TMEM242: variants seen among roughly 807,000 people sequenced by gnomAD.
TMEM242 encodes the protein transmembrane protein 242.
In TMEM242, 10 loss-of-function variants were observed where a neutral mutation model predicts 18.2. The ratio of observed to expected loss-of-function variants is 0.55; its 90% CI spans 0.34 to 0.93. The LOEUF (loss-of-function observed/expected upper bound fraction) is 0.93. Among genes scored for constraint, TMEM242 ranks in the 40% least tolerant of loss-of-function variants. The pLI is 0.02. For missense variants in TMEM242, 186 were observed against 175.5 expected (o/e 1.06, Z -0.34); for synonymous variants, 57 against 69.9 (o/e 0.81, Z 0.92).
intron 3 of TMEM242, chr6:157,299,721 C>A: frequency 6.2e-7 from 1 of 1,605,358 alleles, no homozygotes; most frequent in South Asian, 1.1e-5. Flanking sequence ...TGACGTGCAC[C>A]TTCTGTGATA....
At position 157,290,759 on chromosome 6, in the gene TMEM242, T is replaced by C. The variant is rs1228364756; in HGVS notation, c.*2142A>G. 1 of 152,230 alleles carries C rather than the reference T, an allele frequency of 6.6e-6. No individual in the cohort carries two copies. Among genetic ancestry groups the C allele is most frequent in the Admixed American group, 6.5e-5 (1 of 15,290 alleles). The allele number at this position is 152,230 out of a possible 1,614,324, so 9.4% of individuals were successfully genotyped here. A position where few individuals can be genotyped will look rare whatever the true frequency, so the allele number is the denominator to read the frequency against. ...CATTACTTCACCTTTGCTTTTAAGATGCAATTGGAGCTGACGCTTGGTCCC... is the reference window on the plus strand; with the variant it reads ...CATTACTTCACCTTTGCTTTTAAGACGCAATTGGAGCTGACGCTTGGTCCC... On this transcript the variant is annotated 3_prime_UTR_variant, in exon 4 of 4. Coordinates refer to ENST00000400788, the MANE Select transcript of TMEM242 (RefSeq NM_018452.6).
At chr6:157,307,634 T>C (rs1554248023) in intron 3 of TMEM242, among the ~76,000 whole-genome samples, 1 of 152,120 alleles carries the variant, frequency 6.6e-6, no homozygotes, top group African/African-American at 2.4e-5. Context: ...AGAGCTGCAG[T>C]GGAATGGGGA....
chr6:157,307,943 G>A (rs998765054), intron 3 of TMEM242, among the ~76,000 whole-genome samples: 3 of 152,190 alleles, frequency 2.0e-5, no homozygotes, highest in Admixed American at 6.5e-5. Flanking sequence ...ATCTCTGGAA[G>A]CACTGAAATT....
intron 3 of TMEM242, among the ~76,000 whole-genome samples, chr6:157,313,166 T>C (rs1554249644): frequency 6.1e-5 from 9 of 147,596 alleles, no homozygotes; most frequent in South Asian, 2.2e-4. Context: ...GGCCTCATCA[T>C]AGTGTCCCAC....
chr6:157,321,305 G>T (rs1242753001), intron 2 of TMEM242, among the ~76,000 whole-genome samples: 1 of 152,078 alleles, frequency 6.6e-6, no homozygotes, highest in Non-Finnish European at 1.5e-5. Flanking sequence ...ACCTCGCCCG[G>T]CCTTGTATTT....
chr6:157,314,834 AT>A (rs1778359735), intron 3 of TMEM242, among the ~76,000 whole-genome samples: 1 of 152,254 alleles, frequency 6.6e-6, no homozygotes, highest in Admixed American at 6.5e-5. Context: ...CACTTTAAGC[AT>A]TTTAAACATG....
intron 3 of TMEM242, among the ~76,000 whole-genome samples, chr6:157,316,510 G>A (rs1180385957): frequency 6.6e-6 from 1 of 152,156 alleles, no homozygotes; most frequent in Non-Finnish European, 1.5e-5. Context: ...TTCAGTCACA[G>A]GTTTTCTGTC....
intron 3 of TMEM242, among the ~76,000 whole-genome samples, chr6:157,307,191 C>G (rs1248067383): frequency 2.0e-5 from 3 of 152,152 alleles, no homozygotes; most frequent in African/African-American, 7.2e-5. Flanking sequence ...CTCATGTGTG[C>G]CCAATTTTCT....
chr6:157,322,383 G>A (rs1036133131), intron 2 of TMEM242, among the ~76,000 whole-genome samples: 12 of 152,056 alleles, frequency 7.9e-5, no homozygotes, highest in Non-Finnish European at 1.2e-4. Flanking sequence ...TGCCCCTCTC[G>A]GCTTCCCAAA....
chr6:157,312,927 A>T (rs1554249523), intron 3 of TMEM242, among the ~76,000 whole-genome samples: 9 of 151,872 alleles, frequency 5.9e-5, no homozygotes, highest in South Asian at 2.1e-4. Flanking sequence ...CGGCATCATC[A>T]TAGTGCCCCA....
At chr6:157,297,841 G>T (rs979364949) in intron 3 of TMEM242, among the ~76,000 whole-genome samples, 2 of 152,190 alleles carry the variant, frequency 1.3e-5, no homozygotes, top group Non-Finnish European at 2.9e-5. Context: ...TTAGGAAAGC[G>T]AATGTGAATT....
At chr6:157,316,334 T>C (rs1778390212) in intron 3 of TMEM242, among the ~76,000 whole-genome samples, 1 of 152,196 alleles carries the variant, frequency 6.6e-6, no homozygotes, top group African/African-American at 2.4e-5. Flanking sequence ...TGAGCCCCAA[T>C]TTCCTCATTT....
Position 157,313,444 on chromosome 6 carries a change from C to T in TMEM242, c.327+5338G>A, listed in dbSNP as rs1554249771. On this transcript the variant is annotated intron_variant, in intron 3 of 3. Transcript: ENST00000400788. ...GCTCACCTGGCCTCATCATAGTGCC[C>T]CAGTCTGCGCTCACCTGGCCTCATC... 5.3e-5 allele frequency among the ~76,000 whole-genome samples: 8 copies of T among 150,786 alleles called. 1 individual carries two copies. The highest frequency in any genetic ancestry group is 9.8e-5 in the African/African-American group (4 of 40,852).
rs1777895900 is a variant in TMEM242, at chr6:157,305,324, G to A, written c.328-12325C>T. Among the ~76,000 whole-genome samples, 1 of 152,142 alleles carries A rather than the reference G, an allele frequency of 6.6e-6. No individual in the cohort carries two copies. Among genetic ancestry groups the A allele is most frequent in the South Asian group, 2.1e-4 (1 of 4,826 alleles). On this transcript the variant is annotated intron_variant, in intron 3 of 3. Coordinates refer to ENST00000400788, the MANE Select transcript of TMEM242 (RefSeq NM_018452.6). The surrounding 1 kb of genome is among the most constrained non-coding windows in gnomAD (Gnocchi z 4.1). Reference sequence around the variant, plus strand: ...AGAATCTAAGAGGATTCTCACTGGGGTTTTTGGTTTGAAGTGGAAGGATGA... The same window carrying A: ...AGAATCTAAGAGGATTCTCACTGGGATTTTTGGTTTGAAGTGGAAGGATGA...
intron 3 of TMEM242, among the ~76,000 whole-genome samples, chr6:157,317,817 C>G (rs1246459176): frequency 6.6e-6 from 1 of 152,206 alleles, no homozygotes; most frequent in African/African-American, 2.4e-5. Context: ...CTTTCTCACA[C>G]CCCACATCCA....
rs1777900349 is a variant in TMEM242 at position 157,305,704 on chromosome 6, C to T, written c.328-12705G>A. Among the ~76,000 whole-genome samples, 1 of 152,012 alleles carries T rather than the reference C, an allele frequency of 6.6e-6. No individual in the cohort carries two copies. Among genetic ancestry groups the T allele is most frequent in the African/African-American group, 2.4e-5 (1 of 41,384 alleles). ...TTGGCACAAGAGACAGGCAAAATGT[C>T]CAGTGAGGTGGAAGGTAGCTCAGAA... On this transcript the variant is annotated intron_variant, in intron 3 of 3. Transcript: ENST00000400788. The surrounding 1 kb of genome is among the most constrained non-coding windows in gnomAD (Gnocchi z 4.1).
intron 3 of TMEM242, among the ~76,000 whole-genome samples, chr6:157,311,403 ATAGTGTTCCAGTG>A (rs1778085696): frequency 9.4e-6 from 1 of 106,042 alleles, no homozygotes; most frequent in Non-Finnish European, 2.0e-5. Flanking sequence ...TAGCCTCATC[ATAGTGTTCCAGTG>A]TGCACGCATA....
At chr6:157,314,108 TCATCATTGTGTCCCAGTGTGCGCTCACCC>T (rs1778327631) in intron 3 of TMEM242, among the ~76,000 whole-genome samples, 1 of 147,450 alleles carries the variant, frequency 6.8e-6, no homozygotes, top group Non-Finnish European at 1.5e-5. Flanking sequence ...TCACCCGGCC[TCATCATTGTGTCCCAGTGTGCGCTCACCC>T]GGCCTCATCA....
intron 3 of TMEM242, among the ~76,000 whole-genome samples, chr6:157,308,098 A>G (rs944137077): frequency 3.3e-5 from 5 of 152,242 alleles, no homozygotes; most frequent in Non-Finnish European, 7.3e-5. Flanking sequence ...GAAAGTACAT[A>G]GCCCTTAAAG....
Sources: gnomAD v4.1 joint callset for allele counts (sites outside exome capture counted in the v4.1 genomes callset) on GRCh38, gnomAD v4.1.1 for gene constraint, Gnocchi (gnomAD v3.1) non-coding constraint, MANE v1.5 for transcripts, NCBI Gene and HGNC (gene_info 2026-07-23, HGNC 2026-07-21) for gene names.